AGRN: variants seen among roughly 807,000 people sequenced by gnomAD.
AGRN encodes the protein agrin.
Under a neutral mutation model 211.0 loss-of-function variants are expected in AGRN, and 106 were observed. The ratio of observed to expected loss-of-function variants is 0.50; its 90% CI spans 0.43 to 0.59. AGRN has a LOEUF of 0.59. Among genes scored for constraint, AGRN ranks in the 20% least tolerant of loss-of-function variants. The pLI is 0.00. For synonymous variants in AGRN, 1,525 were observed against 1,332.5 expected (o/e 1.14, Z -3.15); for missense variants, 3,040 against 2,982.6 (o/e 1.02, Z -0.45).
intron 33 of AGRN, chr1:1,052,709 TG>T (rs1224673286): frequency 6.5e-6 from 1 of 154,112 alleles, no homozygotes. Context: ...TGTATGTGTG[TG>T]TATATGAGGG....
In AGRN at chr1:1,050,332, C is replaced by T. The variant is rs113681205; in HGVS notation, c.4976+3C>T. On this transcript the variant is annotated splice_donor_region_variant and intron_variant, in intron 28 of 35. Coordinates refer to ENST00000379370, the MANE Select transcript of AGRN (RefSeq NM_198576.4). ...CACACCTTTGCACGGGACCTGGGGT[C>T]GGTGGGGCAGGAGCAGGGGGAAGGG... The T allele has an allele frequency of 9.5e-5, 153 of 1,612,600 alleles. 1 individual carries two copies. In the African/African-American group the frequency reaches 1.2e-3, roughly 13 times the overall value.
intron 22 of AGRN, 52 bp from the exon 23 acceptor site, chr1:1,047,960 C>A: frequency 6.3e-7 from 1 of 1,575,782 alleles, no homozygotes; most frequent in Non-Finnish European, 8.6e-7. Context: ...CTGCCCCTCA[C>A]CCCTTCCTGG....
chr1:1,022,564 C>T (rs986051597), intron 2 of AGRN, 102 bp downstream of exon 2: 17 of 854,082 alleles, frequency 2.0e-5, no homozygotes, highest in Middle Eastern at 4.2e-4. Context: ...CGTGCTGTGC[C>T]GGAGGCTGCA....
rs145352656 is a variant in AGRN at position 1,052,014 on chromosome 1, C to T, written c.5651+199C>T. ...CAAGCGAACTGGCCAATGAGATCCC[C>T]GTGTGAGTAGAGCTCGGCGCCCCCC... On this transcript the variant is annotated intron_variant, in intron 33 of 35. Coordinates refer to ENST00000379370, the MANE Select transcript of AGRN (RefSeq NM_198576.4). 1.7e-3 allele frequency: 2,606 copies of T among 1,534,100 alleles called. 47 individuals carry two copies. In the African/African-American group the frequency reaches 0.031, roughly 18 times the overall value.
At position 1,050,597 on chromosome 1, in the gene AGRN, C is replaced by T. The variant is rs747572239; in HGVS notation, c.5141+6C>T. On this transcript the variant is annotated splice_donor_region_variant and intron_variant, in intron 29 of 35. Coordinates refer to ENST00000379370, the MANE Select transcript of AGRN (RefSeq NM_198576.4). ...AAGGGGGCAGCGGTCATCAGGTGGGCCGGCAAGGGTGGCTCTGGGAGGCCT... is the reference window on the plus strand; with the variant it reads ...AAGGGGGCAGCGGTCATCAGGTGGGTCGGCAAGGGTGGCTCTGGGAGGCCT... 1.2e-6 allele frequency: 2 copies of T among 1,607,372 alleles called. No homozygotes were observed. The highest frequency in any genetic ancestry group is 1.1e-5 in the South Asian group (1 of 90,934).
rs1263783177 is a variant in AGRN, at chr1:1,046,722, G to C, written c.3237G>C (p.Gly1079=). 1 of 1,579,788 alleles carries C rather than the reference G, an allele frequency of 6.3e-7. No homozygotes were observed. Among genetic ancestry groups the C allele is most frequent in the African/African-American group, 1.3e-5 (1 of 74,590 alleles). ...EELSGDQEAS[G]GGSGGLEPLE... is the part of the protein sequence containing the mutation. Reference sequence around the variant, plus strand: ...TGAGCGGGGACCAGGAGGCCAGTGGGGGTGGCTCTGGGGGTGAGCAGGGAT... The same window carrying C: ...TGAGCGGGGACCAGGAGGCCAGTGGCGGTGGCTCTGGGGGTGAGCAGGGAT... Residue 1079 remains glycine, a synonymous_variant, in exon 18 of 36, where the codon GGG becomes GGC. Transcript: ENST00000379370.
intron 30 of AGRN, 185 bp downstream of exon 30, chr1:1,051,022 C>G (rs767241376): frequency 2.6e-6 from 4 of 1,549,228 alleles, no homozygotes; most frequent in Admixed American, 2.0e-5. Context: ...ACCCGCTCTT[C>G]GGAGGCCAGA....
rs544381837 is a variant in AGRN at position 1,055,277 on chromosome 1, G to A, written c.*296G>A. 10 of 462,332 alleles carry A rather than the reference G, an allele frequency of 2.2e-5. No individual in the cohort carries two copies. Among genetic ancestry groups the A allele is most frequent in the East Asian group, 8.7e-5 (2 of 23,110 alleles). 28.6% of individuals were successfully genotyped at this position (462,332 alleles called of 1,614,324 possible). On this transcript the variant is annotated 3_prime_UTR_variant, in exon 36 of 36. Coordinates refer to ENST00000379370, the MANE Select transcript of AGRN (RefSeq NM_198576.4). ...GGTGTCCCCGCCGGGAAGCAGCCCCGGCTCCTGAATCACCCTCGCTCCGTC... is the reference window on the plus strand; with the variant it reads ...GGTGTCCCCGCCGGGAAGCAGCCCCAGCTCCTGAATCACCCTCGCTCCGTC...
At chr1:1,047,227 C>G in intron 19 of AGRN, 100 bp from the exon 20 acceptor site, 1 of 1,512,946 alleles carries the variant, frequency 6.6e-7, no homozygotes, top group Non-Finnish European at 8.8e-7. Context: ...TAACATCCAC[C>G]TTCCCTTGCA....
chr1:1,044,504 T>G, intron 12 of AGRN, 65 bp downstream of exon 12: 2 of 1,501,044 alleles, frequency 1.3e-6, no homozygotes, highest in Non-Finnish European at 1.8e-6. Context: ...CGTGTCTGGA[T>G]GTGGGCGTGC....
rs2100661340 is a variant in AGRN, at chr1:1,046,887, C to T, written c.3318C>T (p.Tyr1106=). ...CACCTGTCGAGAGGGCTTCCTGCTA[C>T]AACTCCGCGTTGGGCTGCTGCTCTG... ...PGPPVERASC[Y]NSALGCCSDG... Residue 1106 remains tyrosine (Y), a synonymous_variant, in exon 19 of 36, where the codon TAC becomes TAT. Transcript: ENST00000379370. The T allele has an allele frequency of 6.3e-7, 1 of 1,585,912 alleles. No individual in the cohort carries two copies. Among genetic ancestry groups the T allele is most frequent in the Non-Finnish European group, 8.6e-7 (1 of 1,167,536 alleles).
intron 2 of AGRN, among the ~76,000 whole-genome samples, chr1:1,033,503 C>T (rs1644720820): frequency 6.6e-6 from 1 of 151,596 alleles, no homozygotes; most frequent in South Asian, 2.1e-4. Context: ...CCGCGACCTG[C>T]CCCGGCCGCA....
intron 3 of AGRN, among the ~76,000 whole-genome samples, chr1:1,039,795 A>C (rs1260963031): frequency 7.6e-6 from 1 of 131,588 alleles, no homozygotes; most frequent in Non-Finnish European, 1.6e-5. Flanking sequence ...GGCAAGAGTG[A>C]GGTGGGGGGC....
intron 2 of AGRN, chr1:1,034,059 G>C (rs1326248014): frequency 1.1e-6 from 1 of 940,418 alleles, no homozygotes; most frequent in Non-Finnish European, 1.3e-6. Context: ...CGCGGCCTCC[G>C]CAGGCGGCGC....
intron 4 of AGRN, 107 bp from the exon 5 acceptor site, chr1:1,041,066 G>A (rs2100631747): frequency 1.5e-6 from 1 of 683,016 alleles, no homozygotes; most frequent in South Asian, 5.6e-5. Context: ...GCGGGGCCCG[G>A]CGGGGAGGAG....
At chr1:1,023,740 A>C (rs1644460369) in intron 2 of AGRN, among the ~76,000 whole-genome samples, 1 of 152,126 alleles carries the variant, frequency 6.6e-6, no homozygotes, top group Admixed American at 6.5e-5. Context: ...ATGGCAGGAG[A>C]GTCACCCCGG....
At position 1,044,241 on chromosome 1, in the gene AGRN, G is replaced by A; in HGVS notation, c.2132G>A (p.Ser711Asn). 2.5e-6 allele frequency: 4 copies of A among 1,612,966 alleles called. 1 individual carries two copies. The South Asian group carries it at 4.4e-5, about 18-fold the overall frequency. ...GPCVCDFSCQSVPGSPVCGSD... is the reference protein window; with the variant it reads ...GPCVCDFSCQNVPGSPVCGSD... Reference sequence around the variant, plus strand: ...TGTGTCTGTGACTTCAGCTGCCAGAGTGTCCCAGGCAGCCCGGTGAGCTCT... The same window carrying A: ...TGTGTCTGTGACTTCAGCTGCCAGAATGTCCCAGGCAGCCCGGTGAGCTCT... The change falls in exon 11 of 36, where the codon AGT (serine) becomes AAT (asparagine). Residue 711 changes from serine (S) to asparagine (N), a missense_variant. Physicochemically the swap from Ser to Asn is conservative, Grantham distance 46. Coordinates refer to ENST00000379370, the MANE Select transcript of AGRN (RefSeq NM_198576.4).
intron 19 of AGRN, 92 bp from the exon 20 acceptor site, chr1:1,047,235 G>A: frequency 6.6e-7 from 1 of 1,519,568 alleles, no homozygotes; most frequent in African/African-American, 1.4e-5. Context: ...ACCTTCCCTT[G>A]CACCCTTGTG....
At position 1,022,189 on chromosome 1, in the gene AGRN, T is replaced by C. The variant is rs1378342403; in HGVS notation, c.202-12T>C. On this transcript the variant is annotated splice_polypyrimidine_tract_variant and intron_variant, in intron 1 of 35. Coordinates refer to ENST00000379370, the MANE Select transcript of AGRN (RefSeq NM_198576.4). ...AGAGGACTAATGACACCTACCGCCA[T>C]GTCCACCCCAGGTTCGGGTCTGGCG... The C allele has an allele frequency of 6.2e-7, 1 of 1,612,902 alleles. No homozygotes were observed. The highest frequency in any genetic ancestry group is 2.2e-5 in the East Asian group (1 of 44,888).
Sources: allele counts gnomAD v4.1 joint callset (sites outside exome capture counted in the v4.1 genomes callset), GRCh38; gene constraint gnomAD v4.1.1; transcripts MANE v1.5; gene names NCBI Gene and HGNC (gene_info 2026-07-23, HGNC 2026-07-21).